The following ATXN7L1 variants were observed in gnomAD, a reference collection of about 807,000 sequenced individuals.
ATXN7L1 encodes the protein ataxin 7 like 1, also known as ataxin-7-like protein 1.
Under a neutral mutation model 70.8 loss-of-function variants are expected in ATXN7L1, and 15 were observed. The observed-to-expected ratio is 0.21, with a 90% CI of 0.14 to 0.33. The LOEUF (loss-of-function observed/expected upper bound fraction) is 0.33, where lower values mean the gene tolerates loss of function less well. Among genes scored for constraint, ATXN7L1 ranks in the 10% least tolerant of loss-of-function variants. The pLI is 1.00. For missense variants in ATXN7L1, 975 were observed against 1,097.1 expected, an observed-to-expected ratio of 0.89 and a Z score of 1.57; for synonymous variants, 440 against 445.1, an observed-to-expected ratio of 0.99 and a Z score of 0.14.
At chr7:105,870,825 T>C (rs558981230) in intron 2 of ATXN7L1, among the ~76,000 whole-genome samples, 2 of 152,302 alleles carry the variant, frequency 1.3e-5, no homozygotes, top group African/African-American at 4.8e-5. Context: ...AGTCCTCCTC[T>C]CAGGAAATCT....
At chr7:105,665,321 G>A in intron 3 of ATXN7L1, 33 bp from the exon 4 acceptor site, 2 of 1,504,780 alleles carry the variant, frequency 1.3e-6, no homozygotes, top group East Asian at 2.5e-5. Context: ...ACTCAGCACA[G>A]CATCTGTAGC....
At chr7:105,853,912 G>A (rs1435480719) in intron 2 of ATXN7L1, among the ~76,000 whole-genome samples, 3 of 152,142 alleles carry the variant, frequency 2.0e-5, no homozygotes, top group African/African-American at 4.8e-5. Flanking sequence ...TCCCACAAGC[G>A]CTTGATGCAC....
intron 3 of ATXN7L1, 174 bp downstream of exon 3, chr7:105,788,430 A>C (rs891451905): frequency 1.5e-4 from 87 of 589,574 alleles, no homozygotes; most frequent in Non-Finnish European, 2.1e-4. Context: ...TTTCAGCAGA[A>C]GGACTACAGC....
At chr7:105,751,290 A>G (rs1799184034) in intron 3 of ATXN7L1, among the ~76,000 whole-genome samples, 2 of 152,128 alleles carry the variant, frequency 1.3e-5, no homozygotes, top group Non-Finnish European at 2.9e-5. Flanking sequence ...CAAATCACAC[A>G]TGTGCTGCTG....
At chr7:105,666,029 C>T (rs1038426613) in intron 3 of ATXN7L1, among the ~76,000 whole-genome samples, 8 of 152,236 alleles carry the variant, frequency 5.3e-5, no homozygotes, top group Non-Finnish European at 1.0e-4. Flanking sequence ...CTGTTAGCCA[C>T]TGTGCTTTCG....
chr7:105,852,536 G>A (rs1370988414), intron 2 of ATXN7L1, among the ~76,000 whole-genome samples: 2 of 152,212 alleles, frequency 1.3e-5, no homozygotes, highest in Non-Finnish European at 2.9e-5. Flanking sequence ...ATGCAGCACA[G>A]GGGGCGCACA....
intron 2 of ATXN7L1, among the ~76,000 whole-genome samples, chr7:105,824,854 G>C (rs574394332): frequency 6.6e-6 from 1 of 151,026 alleles, no homozygotes; most frequent in Non-Finnish European, 1.5e-5. Flanking sequence ...GGCAGGGCTT[G>C]CAGTGAGCTG....
intron 2 of ATXN7L1, among the ~76,000 whole-genome samples, chr7:105,849,175 G>T (rs528518093): frequency 6.6e-6 from 1 of 152,340 alleles, no homozygotes; most frequent in East Asian, 1.9e-4. Flanking sequence ...GGCCTGAGAG[G>T]AGATGGACAA....
chr7:105,747,514 C>G (rs1453087459), intron 3 of ATXN7L1, among the ~76,000 whole-genome samples: 2 of 152,184 alleles, frequency 1.3e-5, no homozygotes, highest in African/African-American at 4.8e-5. Flanking sequence ...TTTAAGATAT[C>G]CTTTATAATA....
chr7:105,838,289 G>T (rs77001507), intron 2 of ATXN7L1, among the ~76,000 whole-genome samples: 13,758 of 152,118 alleles, frequency 0.09, 742 homozygotes, highest in East Asian at 0.22. Flanking sequence ...ATGCTGCCAG[G>T]AGCCGAAGAC....
chr7:105,697,109 G>A (rs1006574222), intron 3 of ATXN7L1, among the ~76,000 whole-genome samples: 4 of 151,736 alleles, frequency 2.6e-5, no homozygotes, highest in African/African-American at 7.3e-5. Flanking sequence ...CCACAGGACC[G>A]AGGCAAAATT....
chr7:105,799,345 C>A (rs1585034274), intron 2 of ATXN7L1, among the ~76,000 whole-genome samples: 5 of 152,168 alleles, frequency 3.3e-5, no homozygotes, highest in Admixed American at 3.3e-4. Flanking sequence ...CACACACCAA[C>A]CCCTGCTCAG....
At chr7:105,865,699 G>C (rs1585188153) in intron 2 of ATXN7L1, among the ~76,000 whole-genome samples, 2 of 152,094 alleles carry the variant, frequency 1.3e-5, no homozygotes, top group Middle Eastern at 3.2e-3. Flanking sequence ...CTGCACCCGG[G>C]CCATTTTCAC....
intron 2 of ATXN7L1, among the ~76,000 whole-genome samples, chr7:105,828,248 A>G (rs541792218): frequency 1.3e-5 from 2 of 152,244 alleles, no homozygotes; most frequent in African/African-American, 4.8e-5. Context: ...CATAAATTAC[A>G]TTTTTACCGC....
At position 105,661,220 on chromosome 7, in the gene ATXN7L1, CCT is replaced by C. The variant is rs148464675; in HGVS notation, c.578+3844_578+3845del. Among the ~76,000 whole-genome samples, 714 of 152,234 alleles carry C rather than the reference CCT, an allele frequency of 4.7e-3. 3 individuals are homozygous for C. Among genetic ancestry groups the C allele is most frequent in the African/African-American group, 0.017 (688 of 41,534 alleles). On this transcript the variant is annotated intron_variant, in intron 4 of 11. Coordinates refer to ENST00000419735, the MANE Select transcript of ATXN7L1 (RefSeq NM_020725.2). ...TGACACCAGTGGGCCCTGTGTATCC[CCT>C]GTGCTTGTTATAGAGTTGGCACACA...
chr7:105,755,640 A>G (rs1799716029), intron 3 of ATXN7L1, among the ~76,000 whole-genome samples: 1 of 152,234 alleles, frequency 6.6e-6, no homozygotes, highest in Non-Finnish European at 1.5e-5. Flanking sequence ...CCAAGCTGTC[A>G]GACAATCCTA....
chr7:105,800,508 C>T (rs900854806), intron 2 of ATXN7L1, among the ~76,000 whole-genome samples: 2 of 152,336 alleles, frequency 1.3e-5, no homozygotes, highest in South Asian at 2.1e-4. Flanking sequence ...GTGGTGGATA[C>T]GGCTGTCTTT....
intron 2 of ATXN7L1, among the ~76,000 whole-genome samples, chr7:105,861,561 C>T (rs1247222386): frequency 6.6e-6 from 1 of 151,788 alleles, no homozygotes; most frequent in Non-Finnish European, 1.5e-5. Flanking sequence ...GTCTGAGATG[C>T]ACAATGACAT....
At chr7:105,640,895 G>A (rs1798076157) in intron 5 of ATXN7L1, among the ~76,000 whole-genome samples, 2 of 152,236 alleles carry the variant, frequency 1.3e-5, no homozygotes, top group South Asian at 4.1e-4. Flanking sequence ...GTTGCTGGTG[G>A]TAGAGGGTGT....
Sources: allele counts gnomAD v4.1 joint callset (sites outside exome capture counted in the v4.1 genomes callset), GRCh38; gene constraint gnomAD v4.1.1; transcripts MANE v1.5; gene names NCBI Gene and HGNC (gene_info 2026-07-23, HGNC 2026-07-21).